The following EPHB2 variants were observed in gnomAD, a reference collection of about 807,000 sequenced individuals.
EPHB2 encodes the protein ephrin type-B receptor 2.
In EPHB2, 18 loss-of-function variants were observed where a neutral mutation model predicts 96.4. The ratio of observed to expected loss-of-function variants is 0.19; its 90% CI spans 0.13 to 0.28. EPHB2 has a LOEUF of 0.28. Among genes scored for constraint, EPHB2 ranks in the 10% least tolerant of loss-of-function variants. The pLI is 1.00. For synonymous variants in EPHB2, 506 were observed against 534.1 expected (o/e 0.95, Z 0.72); for missense variants, 989 against 1,355.4 (o/e 0.73, Z 4.25).
chr1:22,848,163 C>T (rs1645571130), intron 3 of EPHB2, among the ~76,000 whole-genome samples: 1 of 152,144 alleles, frequency 6.6e-6, no homozygotes, highest in South Asian at 2.1e-4. Context: ...CCTCAGTGTC[C>T]AGGAGGGCTT....
At position 22,784,439 on chromosome 1, in the gene EPHB2, G is replaced by T. The variant is rs763464643; in HGVS notation, c.174G>T (p.Thr58=). The change falls in exon 3 of 16, where the codon ACG becomes ACT. Residue 58 remains threonine (T), a synonymous_variant. Coordinates refer to ENST00000374630, the MANE Select transcript of EPHB2 (RefSeq NM_017449.5). This position sits in a 1 kb window ranked among gnomAD's most constrained non-coding sequence, Gnocchi z 5.1. ...GYDENMNTIR[T]YQVCNVFESS... Reference sequence around the variant, plus strand: ...ATGAGAACATGAACACGATCCGCACGTACCAGGTGTGCAACGTGTTTGAGT... The same window carrying T: ...ATGAGAACATGAACACGATCCGCACTTACCAGGTGTGCAACGTGTTTGAGT... The T allele has an allele frequency of 1.2e-6, 2 of 1,614,200 alleles. No homozygotes were observed. The highest frequency in any genetic ancestry group is 3.3e-5 in the Admixed American group (2 of 60,030).
chr1:22,771,892 A>G (rs1022634623), intron 1 of EPHB2, among the ~76,000 whole-genome samples: 2 of 152,150 alleles, frequency 1.3e-5, no homozygotes, highest in African/African-American at 4.8e-5. Context: ...GCCTGGGTTC[A>G]GTTTCTGATT....
chr1:22,756,039 A>G (rs543268475), intron 1 of EPHB2, among the ~76,000 whole-genome samples: 8 of 151,988 alleles, frequency 5.3e-5, no homozygotes, highest in Non-Finnish European at 1.2e-4. Flanking sequence ...GATGTTCACT[A>G]CATGGACTCA....
intron 1 of EPHB2, among the ~76,000 whole-genome samples, chr1:22,713,676 G>C (rs1233422569): frequency 6.6e-6 from 1 of 152,170 alleles, no homozygotes. Flanking sequence ...GCAGTAGGAG[G>C]GTGGCCCCTC....
chr1:22,909,444 T>A (rs1199555455), intron 13 of EPHB2, among the ~76,000 whole-genome samples: 1 of 152,204 alleles, frequency 6.6e-6, no homozygotes, highest in South Asian at 2.1e-4. Flanking sequence ...CAGCCCCAAA[T>A]GAGACCACAT....
intron 6 of EPHB2, among the ~76,000 whole-genome samples, chr1:22,886,547 G>A (rs778099220): frequency 4.6e-5 from 7 of 151,966 alleles, no homozygotes; most frequent in Non-Finnish European, 1.0e-4. Flanking sequence ...CCCAGGGGAC[G>A]CTAAGTGAGA....
Position 22,915,442 on chromosome 1 carries a change from A to G in EPHB2, c.*1872A>G, listed in dbSNP as rs1640240697. On this transcript the variant is annotated 3_prime_UTR_variant, in exon 16 of 16. Transcript: ENST00000374630. ...CCCTTCCTCCCTCAGGCTTCCAGAA[A>G]GCCCAGGGCAGAGAAAACACATGGA... 6.6e-6 allele frequency: 1 copy of G among 152,198 alleles called. No individual in the cohort carries two copies. Among genetic ancestry groups the G allele is most frequent in the African/African-American group, 2.4e-5 (1 of 41,448 alleles). 9.4% of individuals were successfully genotyped at this position (152,198 alleles called of 1,614,324 possible).
intron 1 of EPHB2, among the ~76,000 whole-genome samples, chr1:22,759,498 C>G (rs1453683119): frequency 2.6e-5 from 4 of 152,132 alleles, no homozygotes; most frequent in Non-Finnish European, 1.5e-5. Flanking sequence ...TTGGAGTCGG[C>G]TGAGCTCAGT....
At chr1:22,802,955 A>C (rs1644866858) in intron 3 of EPHB2, among the ~76,000 whole-genome samples, 1 of 152,084 alleles carries the variant, frequency 6.6e-6, no homozygotes, top group South Asian at 2.1e-4. Context: ...GAGTGTGTGC[A>C]TGGAGCAGTA....
At chr1:22,780,486 A>T (rs1265171445) in intron 1 of EPHB2, among the ~76,000 whole-genome samples, 2 of 152,224 alleles carry the variant, frequency 1.3e-5, no homozygotes, top group Admixed American at 6.5e-5. Context: ...GGCCCCAGTG[A>T]TAGGAACATG....
Position 22,912,787 on chromosome 1 carries a change from G to A in EPHB2, c.2852+188G>A, listed in dbSNP as rs531752168. 3.7e-5 allele frequency: 28 copies of A among 767,086 alleles called. No individual in the cohort carries two copies. The East Asian group carries it at 7.9e-4, about 22-fold the overall frequency. 47.5% of individuals were successfully genotyped at this position (767,086 alleles called of 1,614,324 possible). On this transcript the variant is annotated intron_variant, in intron 15 of 15. Coordinates refer to ENST00000374630, the MANE Select transcript of EPHB2 (RefSeq NM_017449.5). ...ACCCAGGTCTGCCTGCCACCTACAAGCTCTGTGACCTTGGTCAAATCATAG... is the reference window on the plus strand; with the variant it reads ...ACCCAGGTCTGCCTGCCACCTACAAACTCTGTGACCTTGGTCAAATCATAG...
At chr1:22,838,067 C>T (rs1363051108) in intron 3 of EPHB2, among the ~76,000 whole-genome samples, 1 of 152,116 alleles carries the variant, frequency 6.6e-6, no homozygotes, top group African/African-American at 2.4e-5. Context: ...TGGAATCAAA[C>T]TTAAGAGCTA....
chr1:22,808,880 C>T (rs1033789316), intron 3 of EPHB2, among the ~76,000 whole-genome samples: 1 of 152,252 alleles, frequency 6.6e-6, no homozygotes, highest in Non-Finnish European at 1.5e-5. Context: ...CTCTCAACCA[C>T]TATGCCATAT....
At chr1:22,778,950 C>T (rs1224201707) in intron 1 of EPHB2, among the ~76,000 whole-genome samples, 2 of 152,226 alleles carry the variant, frequency 1.3e-5, no homozygotes, top group African/African-American at 4.8e-5. Context: ...GCCTCTGGGT[C>T]AGCCCAGGAA....
At chr1:22,786,854 T>G (rs118139254) in intron 3 of EPHB2, among the ~76,000 whole-genome samples, 1 of 152,214 alleles carries the variant, frequency 6.6e-6, no homozygotes, top group East Asian at 1.9e-4. Context: ...AGAAAAGAAA[T>G]GGGCAAGTTA....
intron 1 of EPHB2, among the ~76,000 whole-genome samples, chr1:22,711,331 C>G (rs1486904435): frequency 1.4e-5 from 2 of 147,996 alleles, no homozygotes; most frequent in Non-Finnish European, 3.0e-5. Flanking sequence ...GGGCTGCCCA[C>G]GCGCGCTCGC....
intron 1 of EPHB2, among the ~76,000 whole-genome samples, chr1:22,731,523 G>A (rs537784568): frequency 6.6e-6 from 1 of 152,320 alleles, no homozygotes; most frequent in Admixed American, 6.5e-5. Context: ...GTAGGTGGCT[G>A]AGACATAGTA....
At chr1:22,908,330 A>G (rs1170107939) in intron 12 of EPHB2, among the ~76,000 whole-genome samples, 162 bp downstream of exon 12, 1 of 152,252 alleles carries the variant, frequency 6.6e-6, no homozygotes, top group East Asian at 1.9e-4. Flanking sequence ...CCCTCTTGCA[A>G]TTCCCACACT....
At chr1:22,865,577 T>G (rs1638445287) in intron 5 of EPHB2, among the ~76,000 whole-genome samples, 1 of 152,150 alleles carries the variant, frequency 6.6e-6, no homozygotes, top group African/African-American at 2.4e-5. Flanking sequence ...GGGACCCAGG[T>G]TATTTCCGTG....
Sources: allele counts gnomAD v4.1 joint callset (sites outside exome capture counted in the v4.1 genomes callset), GRCh38; gene constraint gnomAD v4.1.1; non-coding constraint Gnocchi (gnomAD v3.1); transcripts MANE v1.5; gene names NCBI Gene and HGNC (gene_info 2026-07-23, HGNC 2026-07-21).